The following NRG3 variants were observed in gnomAD, a reference collection of about 807,000 sequenced individuals.
The protein encoded by NRG3 is pro-neuregulin-3, membrane-bound isoform.
In NRG3, 31 loss-of-function variants were observed where a neutral mutation model predicts 66.9. The observed-to-expected ratio is 0.46, with a 90% CI of 0.35 to 0.63. The LOEUF is 0.63. Among genes scored for constraint, NRG3 ranks in the 20% least tolerant of loss-of-function variants. NRG3 has a pLI of 0.00. For synonymous variants in NRG3, 393 were observed against 359.4 expected (o/e 1.09, Z -1.06); for missense variants, 910 against 878.9 (o/e 1.04, Z -0.45).
intron 2 of NRG3, among the ~76,000 whole-genome samples, chr10:82,395,603 A>G (rs1278320694): frequency 1.3e-5 from 2 of 152,158 alleles, no homozygotes; most frequent in African/African-American, 2.4e-5. Flanking sequence ...ATATCTGTCT[A>G]TCTTATCATC....
intron 3 of NRG3, among the ~76,000 whole-genome samples, chr10:82,804,033 C>T (rs996246621): frequency 2.0e-5 from 3 of 152,136 alleles, no homozygotes; most frequent in Non-Finnish European, 4.4e-5. Flanking sequence ...CATCCGTGCT[C>T]CCAGCCCACC....
intron 1 of NRG3, among the ~76,000 whole-genome samples, chr10:82,019,800 T>G (rs2132730312): frequency 6.6e-6 from 1 of 152,290 alleles, no homozygotes; most frequent in East Asian, 1.9e-4. Flanking sequence ...TTATCATTTT[T>G]TATTGTGTCT....
intron 2 of NRG3, among the ~76,000 whole-genome samples, chr10:82,583,178 AG>A (rs1466695450): frequency 1.7e-4 from 25 of 150,904 alleles, no homozygotes; most frequent in Non-Finnish European, 3.3e-4. Flanking sequence ...GAGGAAGAAA[AG>A]CACATGATTG....
intron 1 of NRG3, among the ~76,000 whole-genome samples, chr10:82,063,525 TCAGATGAAATG>T (rs2064279406): frequency 6.6e-6 from 1 of 150,540 alleles, no homozygotes. Context: ...TTTTTTTTTG[TCAGATGAAATG>T]TTGCTTTCTA....
chr10:82,664,383 C>G (rs766228150), intron 2 of NRG3, among the ~76,000 whole-genome samples: 1 of 152,158 alleles, frequency 6.6e-6, no homozygotes, highest in South Asian at 2.1e-4. Context: ...GAGACACACA[C>G]TTCCGAGACT....
At chr10:82,056,920 A>T (rs2063871977) in intron 1 of NRG3, among the ~76,000 whole-genome samples, 1 of 152,046 alleles carries the variant, frequency 6.6e-6, no homozygotes, top group South Asian at 2.1e-4. Context: ...TTATTTTTAC[A>T]CTGCAATTTC....
At chr10:82,390,538 T>C (rs1244570615) in intron 2 of NRG3, among the ~76,000 whole-genome samples, 1 of 152,148 alleles carries the variant, frequency 6.6e-6, no homozygotes, top group Non-Finnish European at 1.5e-5. Context: ...GTGACACTCA[T>C]TGTTTACACT....
intron 1 of NRG3, among the ~76,000 whole-genome samples, chr10:82,216,730 A>T (rs2075707529): frequency 6.6e-6 from 1 of 151,994 alleles, no homozygotes; most frequent in Non-Finnish European, 1.5e-5. Context: ...GTTTTTTGTT[A>T]AACTGAAAAT....
intron 1 of NRG3, among the ~76,000 whole-genome samples, chr10:82,342,960 G>A (rs2082761606): frequency 1.3e-5 from 2 of 152,142 alleles, no homozygotes; most frequent in South Asian, 4.1e-4. Context: ...TAAGAGATAT[G>A]GGTATGGTTT....
chr10:82,980,409 A>G (rs1852746562), intron 8 of NRG3, among the ~76,000 whole-genome samples: 1 of 152,114 alleles, frequency 6.6e-6, no homozygotes, highest in Admixed American at 6.6e-5. Context: ...GGTTTACTCT[A>G]GAAATTTCAG....
chr10:82,889,248 C>T (rs1280366151), intron 4 of NRG3, among the ~76,000 whole-genome samples: 1 of 152,058 alleles, frequency 6.6e-6, no homozygotes, highest in Admixed American at 6.5e-5. Flanking sequence ...GAACTCCAAT[C>T]GGATTCTGAA....
intron 1 of NRG3, among the ~76,000 whole-genome samples, chr10:82,049,855 T>C (rs1315460515): frequency 6.6e-6 from 1 of 151,970 alleles, no homozygotes; most frequent in Non-Finnish European, 1.5e-5. Context: ...GATGAACCCA[T>C]AAAATCCATA....
chr10:81,927,577 T>A (rs1275451049), intron 1 of NRG3, among the ~76,000 whole-genome samples: 1 of 152,228 alleles, frequency 6.6e-6, no homozygotes, highest in Non-Finnish European at 1.5e-5. Flanking sequence ...AGTCATTATT[T>A]ATTTATTTTA....
chr10:82,192,761 G>C (rs1378618319), intron 1 of NRG3, among the ~76,000 whole-genome samples: 2 of 152,116 alleles, frequency 1.3e-5, no homozygotes, highest in East Asian at 3.9e-4. Context: ...AAATCTAGGG[G>C]AAAAATGCAG....
intron 1 of NRG3, among the ~76,000 whole-genome samples, chr10:82,159,568 A>G (rs771783640): frequency 4.0e-5 from 6 of 151,882 alleles, no homozygotes; most frequent in Non-Finnish European, 1.5e-5. Context: ...CACTCCAGTC[A>G]TAGTTCTTTA....
chr10:82,472,064 A>G (rs961834085), intron 2 of NRG3, among the ~76,000 whole-genome samples: 1 of 152,168 alleles, frequency 6.6e-6, no homozygotes, highest in Non-Finnish European at 1.5e-5. Context: ...ATTGAAAAAA[A>G]AAAATACTAG....
chr10:82,591,827 T>C lies in NRG3; in HGVS notation c.954-146750T>C, dbSNP rs149689005. Among the ~76,000 whole-genome samples the C allele has an allele frequency of 8.9e-4, 135 of 152,342 alleles. 1 individual carries two copies. Among genetic ancestry groups the C allele is most frequent in the African/African-American group, 3.1e-3 (130 of 41,578 alleles). On this transcript the variant is annotated intron_variant, in intron 2 of 8. Coordinates refer to ENST00000372141, the MANE Select transcript of NRG3 (RefSeq NM_001010848.4). ...TCAAATCTTTTAAGCAAAAAGGTTT[T>C]CTTTCTTCAGTCACTTATTCATTCA...
At chr10:82,666,072 G>A (rs946799824) in intron 2 of NRG3, among the ~76,000 whole-genome samples, 1 of 152,124 alleles carries the variant, frequency 6.6e-6, no homozygotes, top group African/African-American at 2.4e-5. Context: ...AGGCTGGTCA[G>A]GCTGGTCTCG....
intron 1 of NRG3, among the ~76,000 whole-genome samples, chr10:81,949,522 G>A (rs1305611036): frequency 6.6e-6 from 1 of 151,960 alleles, no homozygotes; most frequent in Non-Finnish European, 1.5e-5. Context: ...CAGCCCACTG[G>A]TACTCTCTGT....
Sources: gnomAD v4.1 joint callset for allele counts (sites outside exome capture counted in the v4.1 genomes callset) on GRCh38, gnomAD v4.1.1 for gene constraint, MANE v1.5 for transcripts, NCBI Gene and HGNC (gene_info 2026-07-23, HGNC 2026-07-21) for gene names.